The following PSMB1 variants were observed in gnomAD, a reference collection of about 807,000 sequenced individuals.
PSMB1 encodes the protein proteasome subunit beta type-1.
In PSMB1, 7 loss-of-function variants were observed where a neutral mutation model predicts 25.4. The observed-to-expected ratio is 0.28, with a 90% CI of 0.16 to 0.52. The LOEUF is 0.52. Among genes scored for constraint, PSMB1 ranks in the 20% least tolerant of loss-of-function variants. The pLI is 0.97. For synonymous variants in PSMB1, 119 were observed against 115.0 expected, an observed-to-expected ratio of 1.03 and a Z score of -0.22; for missense variants, 284 against 302.2, an observed-to-expected ratio of 0.94 and a Z score of 0.45.
intron 4 of PSMB1, 38 bp from the exon 5 acceptor site, chr6:170,537,378 A>G: frequency 6.7e-7 from 1 of 1,484,102 alleles, no homozygotes; most frequent in Non-Finnish European, 9.4e-7. Flanking sequence ...GATGGTATCC[A>G]ATCACAATCC....
At chr6:170,547,971 T>C (rs910931324) in intron 2 of PSMB1, among the ~76,000 whole-genome samples, 3 of 151,298 alleles carry the variant, frequency 2.0e-5, no homozygotes, top group Admixed American at 6.6e-5. Context: ...AAGGATGGTA[T>C]CCATAAAGTT....
At chr6:170,536,358 T>C in intron 5 of PSMB1, 1 of 447,078 alleles carries the variant, frequency 2.2e-6, no homozygotes, top group Non-Finnish European at 4.5e-6. Flanking sequence ...TGTTCTCCTT[T>C]GTTTTTCATT....
chr6:170,536,271 T>C lies in PSMB1; in HGVS notation c.541-866A>G, dbSNP rs553551813. 7 of 417,660 alleles carry C rather than the reference T, an allele frequency of 1.7e-5. No individual in the cohort carries two copies. In the East Asian group the frequency reaches 4.2e-4, roughly 25 times the overall value. 25.9% of individuals were successfully genotyped at this position (417,660 alleles called of 1,614,324 possible). On this transcript the variant is annotated intron_variant, in intron 5 of 5. Coordinates refer to ENST00000262193, the MANE Select transcript of PSMB1 (RefSeq NM_002793.4). ...ATGCCACAAATGTATAAACTATATG[T>C]AGATACTAGCTATTTTATCATTTAC...
In PSMB1 at chr6:170,549,126, GA is replaced by G; in HGVS notation, c.114-14del. ...TGCCAGTATAGTACTGAGGAAAAAA[GA>G]AAAAAATTAATTCTCCAGGGTGGTA... is the stretch of plus-strand genomic sequence containing the variant. On this transcript the variant is annotated splice_polypyrimidine_tract_variant and intron_variant, in intron 1 of 5. Transcript: ENST00000262193. The G allele has an allele frequency of 3.9e-6, 6 of 1,521,898 alleles. No individual in the cohort carries two copies. The highest frequency in any genetic ancestry group is 5.5e-6 in the Non-Finnish European group (6 of 1,099,482). The allele number at this position is 1,521,898 out of a possible 1,614,324, so 94.3% of individuals were successfully genotyped here. A position where few individuals can be genotyped will look rare whatever the true frequency, so the allele number is the denominator to read the frequency against.
chr6:170,536,189 T>C (rs1324042932), intron 5 of PSMB1: 1 of 326,976 alleles, frequency 3.1e-6, no homozygotes, highest in Non-Finnish European at 6.0e-6. Context: ...CGCAACACTT[T>C]GAAAAACTCA....
intron 4 of PSMB1, among the ~76,000 whole-genome samples, chr6:170,540,392 G>A (rs1401403150): frequency 2.0e-5 from 3 of 151,936 alleles, no homozygotes; most frequent in Non-Finnish European, 4.4e-5. Flanking sequence ...CTCCTCTGAG[G>A]CCTAAAAAGC....
At chr6:170,542,587 T>C (rs552148853) in intron 4 of PSMB1, among the ~76,000 whole-genome samples, 1 of 152,284 alleles carries the variant, frequency 6.6e-6, no homozygotes, top group East Asian at 1.9e-4. Context: ...CTGAACCAAA[T>C]TCCTTCAACA....
chr6:170,539,288 TAAAG>T (rs965318019), intron 4 of PSMB1, among the ~76,000 whole-genome samples: 4 of 152,144 alleles, frequency 2.6e-5, no homozygotes, highest in African/African-American at 9.7e-5. Flanking sequence ...CTGAATGTCA[TAAAG>T]AAATGATTGA....
chr6:170,552,666 T>C (rs977185779), intron 1 of PSMB1, among the ~76,000 whole-genome samples: 3 of 152,220 alleles, frequency 2.0e-5, no homozygotes, highest in African/African-American at 7.2e-5. Context: ...CCAACCCAGC[T>C]ATGCATCTAA....
intron 2 of PSMB1, among the ~76,000 whole-genome samples, chr6:170,546,584 G>C (rs921086366): frequency 5.9e-5 from 9 of 152,156 alleles, no homozygotes; most frequent in African/African-American, 1.9e-4. Context: ...CCCTGCCTCA[G>C]CCTCCCAAGT....
At chr6:170,547,072 C>T (rs1427211294) in intron 2 of PSMB1, among the ~76,000 whole-genome samples, 1 of 152,128 alleles carries the variant, frequency 6.6e-6, no homozygotes, top group African/African-American at 2.4e-5. Context: ...CAAAAAGAGA[C>T]TATTTCAACC....
chr6:170,547,210 C>T (rs1028251669), intron 2 of PSMB1, among the ~76,000 whole-genome samples: 5 of 152,208 alleles, frequency 3.3e-5, no homozygotes, highest in Admixed American at 2.6e-4. Context: ...ACACCACTCT[C>T]ACCAATTCTA....
intron 2 of PSMB1, among the ~76,000 whole-genome samples, chr6:170,548,138 C>G (rs1269275475): frequency 1.3e-5 from 2 of 152,180 alleles, no homozygotes; most frequent in Non-Finnish European, 2.9e-5. Context: ...AAGACGAAAA[C>G]AAACTTCATT....
At chr6:170,537,589 T>C (rs1778710885) in intron 4 of PSMB1, among the ~76,000 whole-genome samples, 1 of 152,166 alleles carries the variant, frequency 6.6e-6, no homozygotes, top group Non-Finnish European at 1.5e-5. Flanking sequence ...ATCCCCGTGT[T>C]GGTGTGTTGT....
intron 1 of PSMB1, among the ~76,000 whole-genome samples, 156 bp downstream of exon 1, chr6:170,552,974 A>C (rs2114984329): frequency 6.6e-6 from 1 of 152,356 alleles, no homozygotes; most frequent in South Asian, 2.1e-4. Context: ...GCATGAGAGG[A>C]CGGCAGGGAG....
At chr6:170,551,812 A>C (rs569391650) in intron 1 of PSMB1, among the ~76,000 whole-genome samples, 1 of 152,334 alleles carries the variant, frequency 6.6e-6, no homozygotes, top group Non-Finnish European at 1.5e-5. Flanking sequence ...GGATGCTAAT[A>C]TCATCTAACA....
At chr6:170,553,044 G>T in intron 1 of PSMB1, 86 bp downstream of exon 1, 2 of 1,205,322 alleles carry the variant, frequency 1.7e-6, no homozygotes, top group Non-Finnish European at 2.4e-6. Context: ...GCCCGGGGCA[G>T]CGCCATCACG....
At chr6:170,536,629 A>G (rs1221159503) in intron 5 of PSMB1, 4 of 360,412 alleles carry the variant, frequency 1.1e-5, no homozygotes, top group Non-Finnish European at 2.2e-5. Context: ...CTCTTCCTAT[A>G]ATTTTCTTAA....
intron 3 of PSMB1, among the ~76,000 whole-genome samples, chr6:170,545,730 C>A (rs1778809251): frequency 6.6e-6 from 1 of 152,222 alleles, no homozygotes; most frequent in Non-Finnish European, 1.5e-5. Context: ...AGCTTGTCAA[C>A]TGATGGTGAT....
Sources: gnomAD v4.1 joint callset for allele counts (sites outside exome capture counted in the v4.1 genomes callset) on GRCh38, gnomAD v4.1.1 for gene constraint, MANE v1.5 for transcripts, NCBI Gene and HGNC (gene_info 2026-07-23, HGNC 2026-07-21) for gene names.